The following KIF1C variants were observed in gnomAD, a reference collection of about 807,000 sequenced individuals.
The protein encoded by KIF1C is kinesin-like protein KIF1C.
In KIF1C, 61 loss-of-function variants were observed where a neutral mutation model predicts 126.5. The observed-to-expected ratio is 0.48, with a 90% CI of 0.39 to 0.60. KIF1C has a LOEUF of 0.60. Among genes scored for constraint, KIF1C ranks in the 20% least tolerant of loss-of-function variants. The pLI, the probability that KIF1C is intolerant of heterozygous loss-of-function variation, is 0.00. For missense variants in KIF1C, 1,315 were observed against 1,489.2 expected (o/e 0.88, Z 1.93); for synonymous variants, 640 against 580.6 (o/e 1.10, Z -1.47).
rs371368361 is a variant in KIF1C at position 5,002,568 on chromosome 17, G to T, written c.534G>T (p.Val178=). 3.5e-5 allele frequency: 56 copies of T among 1,613,964 alleles called. No homozygotes were observed. Among genetic ancestry groups the T allele is most frequent in the Non-Finnish European group, 4.7e-5 (55 of 1,179,972 alleles). ...AGCACCCCATCCTGGGCCCGTACGTGCAGGACCTGTCCAAATTGGCTGTGA... is the reference window on the plus strand; with the variant it reads ...AGCACCCCATCCTGGGCCCGTACGTTCAGGACCTGTCCAAATTGGCTGTGA... ...VREHPILGPY[V]QDLSKLAVTS... Residue 178 remains valine (V), a synonymous_variant, in exon 7 of 23, where the codon GTG becomes GTT. Transcript: ENST00000320785.
intron 4 of KIF1C, 86 bp from the exon 5 acceptor site, chr17:5,001,136 A>T: frequency 7.1e-7 from 1 of 1,400,688 alleles, no homozygotes; most frequent in Non-Finnish European, 1.0e-6. Context: ...ATCGTCAGTG[A>T]TGGAAGCAAG....
chr17:5,009,112 GAAAA>G (rs796782971), intron 16 of KIF1C, among the ~76,000 whole-genome samples: 1 of 136,926 alleles, frequency 7.3e-6, no homozygotes, highest in South Asian at 2.3e-4. Context: ...TTTTGTTATA[GAAAA>G]AAAAAAAAAG....
At chr17:4,999,486 C>T (rs965538711) in intron 1 of KIF1C, among the ~76,000 whole-genome samples, 3 of 152,020 alleles carry the variant, frequency 2.0e-5, no homozygotes, top group African/African-American at 4.8e-5. Flanking sequence ...CATAGCATGA[C>T]CTCAGGCTTG....
At chr17:5,004,490 G>GGGGGCCCCCCCCCCCCCCCCCCC in intron 11 of KIF1C, 77 bp from the exon 12 acceptor site, 1 of 1,364,464 alleles carries the variant, frequency 7.3e-7, no homozygotes. Flanking sequence ...TGGGCAGTGG[G>GGGGGCCCCCCCCCCCCCCCCCCC]CCCCAGCCCT....
In KIF1C at chr17:5,024,604, C is replaced by G. The variant is rs1425741791; in HGVS notation, c.*453C>G. 6.3e-6 allele frequency: 1 copy of G among 157,732 alleles called. No homozygotes were observed. Among genetic ancestry groups the G allele is most frequent in the Non-Finnish European group, 1.4e-5 (1 of 71,690 alleles). The allele number at this position is 157,732 out of a possible 1,614,324, so 9.8% of individuals were successfully genotyped here. A position where few individuals can be genotyped will look rare whatever the true frequency, so the allele number is the denominator to read the frequency against. On this transcript the variant is annotated 3_prime_UTR_variant, in exon 23 of 23. Coordinates refer to ENST00000320785, the MANE Select transcript of KIF1C (RefSeq NM_006612.6). ...GCATGGTAGGATCATAAGTCATTCC[C>G]CTCCCCTTCCAGGCCTCCTGCTATA...
rs1208929490 is a variant in KIF1C at position 5,028,159 on chromosome 17, A to T, written c.*4008A>T. On this transcript the variant is annotated 3_prime_UTR_variant, in exon 23 of 23. Transcript: ENST00000320785. ...TGGAATCATGAGAAGTCACCCAAAC[A>T]ATCTCAGTTTTCTAGCTCACTCCGT... 6.6e-6 allele frequency: 1 copy of T among 152,004 alleles called. No homozygotes were observed. The highest frequency in any genetic ancestry group is 1.5e-5 in the Non-Finnish European group (1 of 67,998). 9.4% of individuals were successfully genotyped at this position (152,004 alleles called of 1,614,324 possible).
rs776654539 is a variant in KIF1C, at chr17:5,004,579, G to A, written c.953G>A (p.Arg318His). The A allele has an allele frequency of 1.5e-5, 25 of 1,614,082 alleles. No homozygotes were observed. The highest frequency in any genetic ancestry group is 1.9e-5 in the Non-Finnish European group (22 of 1,180,006). Residue 318 changes from arginine (R) to histidine (H), a missense_variant, in exon 12 of 23, where the codon CGC (arginine) becomes CAC (histidine). Physicochemically the swap from Arg to His is conservative, Grantham distance 29. Transcript: ENST00000320785. ...ACTCCATTCACAGGGGGGAACTCAC[G>A]CACAGCCATGATTGCAGCCCTGAGC... Reference protein sequence around the residue: ...LLKENLGGNSRTAMIAALSPA... With the variant: ...LLKENLGGNSHTAMIAALSPA...
chr17:5,017,366 C>G (rs1453764005), intron 18 of KIF1C, among the ~76,000 whole-genome samples: 2 of 136,458 alleles, frequency 1.5e-5, no homozygotes, highest in Non-Finnish European at 3.0e-5. Context: ...GTGGCGCGAT[C>G]TCGGCTCACT....
chr17:5,023,162 G>A lies in KIF1C; in HGVS notation c.2629-306G>A, dbSNP rs570806315. ...CCTGAGTAGCTGGGACTACAGGCGC[G>A]CACCACCACACCCGGCTAATTTTTT... On this transcript the variant is annotated intron_variant, in intron 22 of 22. Coordinates refer to ENST00000320785, the MANE Select transcript of KIF1C (RefSeq NM_006612.6). The surrounding 1 kb of genome is among the most constrained non-coding windows in gnomAD (Gnocchi z 4.2). 2.0e-5 allele frequency among the ~76,000 whole-genome samples: 3 copies of A among 151,864 alleles called. No homozygotes were observed. Among genetic ancestry groups the A allele is most frequent in the African/African-American group, 7.3e-5 (3 of 41,326 alleles).
At chr17:5,000,965 G>A (rs532564391) in intron 4 of KIF1C, 117 bp downstream of exon 4, 1 of 1,118,888 alleles carries the variant, frequency 8.9e-7, no homozygotes, top group South Asian at 1.3e-5. Context: ...GAATTGGGAG[G>A]ATGATCCTGG....
intron 17 of KIF1C, chr17:5,014,213 C>T (rs891540334): frequency 1.1e-4 from 20 of 174,802 alleles, no homozygotes; most frequent in Non-Finnish European, 1.7e-4. Context: ...TCGTGGCTGT[C>T]CTTGGTAGTC....
intron 6 of KIF1C, 97 bp downstream of exon 6, chr17:5,002,221 G>A: frequency 1.7e-6 from 2 of 1,209,948 alleles, no homozygotes; most frequent in Non-Finnish European, 2.4e-6. Context: ...TGGCTCTGCT[G>A]GTTACTGACT....
intron 16 of KIF1C, among the ~76,000 whole-genome samples, chr17:5,008,092 G>A (rs1321459936): frequency 6.6e-6 from 1 of 152,188 alleles, no homozygotes; most frequent in Admixed American, 6.5e-5. Flanking sequence ...GGGCCAACAT[G>A]AGGTTGAAGA....
At chr17:5,021,749 TG>T (rs1975094960) in intron 21 of KIF1C, among the ~76,000 whole-genome samples, 1 of 152,132 alleles carries the variant, frequency 6.6e-6, no homozygotes, top group Non-Finnish European at 1.5e-5. Context: ...TCCAACATGC[TG>T]GGATTGCAGG....
chr17:5,002,070 CCT>C lies in KIF1C; in HGVS notation c.378_379del (p.Phe127LeufsTer4). 1 of 1,614,042 alleles carries C rather than the reference CCT, an allele frequency of 6.2e-7. No individual in the cohort carries two copies. The highest frequency in any genetic ancestry group is 8.5e-7 in the Non-Finnish European group (1 of 1,179,932). Reference protein sequence around the residue: ...QGIVPQLCEDLFSRVSENQSA... With the variant: ...QGIVPQLCEDXFSRVSENQSA... ...GTGTCCCCCTCCAGCTCTGTGAGGA[CCT>C]CTTCTCTCGCGTTAGTGAGAACCAG... On this transcript the variant is annotated frameshift_variant, in exon 6 of 23. Coordinates refer to ENST00000320785, the MANE Select transcript of KIF1C (RefSeq NM_006612.6). LOFTEE classifies it high-confidence loss of function.
At chr17:5,021,784 T>G (rs1267464371) in intron 21 of KIF1C, among the ~76,000 whole-genome samples, 3 of 152,022 alleles carry the variant, frequency 2.0e-5, no homozygotes, top group Non-Finnish European at 4.4e-5. Context: ...CCCTCAATGG[T>G]CTTTTAAGTC....
chr17:5,012,728 G>A (rs1236212328), intron 16 of KIF1C, among the ~76,000 whole-genome samples: 4 of 152,256 alleles, frequency 2.6e-5, no homozygotes, highest in Middle Eastern at 3.4e-3. Context: ...TGTGTGGCAC[G>A]GCAGCAGCTG....
rs929017381 is a variant in KIF1C at position 5,022,475 on chromosome 17, T to C, written c.2394T>C (p.Ala798=). ...ACGGCCCCGGAGACGCCTGGAGGGC[T>C]GTGGCCCGGGATGTCTGGGACACTG... ...KPDGPGDAWR[A]VARDVWDTVG... Residue 798 remains alanine (A), a synonymous_variant, in exon 22 of 23, where the codon GCT becomes GCC. Coordinates refer to ENST00000320785, the MANE Select transcript of KIF1C (RefSeq NM_006612.6). This position sits in a 1 kb window ranked among gnomAD's most constrained non-coding sequence, Gnocchi z 4.9. 4.4e-6 allele frequency: 7 copies of C among 1,586,450 alleles called. No individual in the cohort carries two copies. In the African/African-American group the frequency reaches 6.7e-5, roughly 15 times the overall value.
At position 5,002,478 on chromosome 17, in the gene KIF1C, G is replaced by A; in HGVS notation, c.444G>A (p.Glu148=). 6.2e-7 allele frequency: 1 copy of A among 1,602,658 alleles called. No individual in the cohort carries two copies. Among genetic ancestry groups the A allele is most frequent in the Non-Finnish European group, 8.5e-7 (1 of 1,172,486 alleles). ...LSYSVEVSYM[E]IYCERVRDLL... is the part of the protein sequence containing the mutation. ...CTCCCACTCAGGTGAGCTATATGGA[G>A]ATCTACTGTGAGCGGGTACGAGACC... Residue 148 remains glutamate (E), a synonymous_variant, in exon 7 of 23, where the codon GAG becomes GAA. Coordinates refer to ENST00000320785, the MANE Select transcript of KIF1C (RefSeq NM_006612.6).
Sources: allele counts gnomAD v4.1 joint callset (sites outside exome capture counted in the v4.1 genomes callset), GRCh38; gene constraint gnomAD v4.1.1; non-coding constraint Gnocchi (gnomAD v3.1); transcripts MANE v1.5; gene names NCBI Gene and HGNC (gene_info 2026-07-23, HGNC 2026-07-21).